The following ZFHX3 variants were observed in gnomAD, a reference collection of about 807,000 sequenced individuals.
ZFHX3 encodes the protein zinc finger homeobox 3.
Under a neutral mutation model 279.1 loss-of-function variants are expected in ZFHX3, and 42 were observed. The ratio of observed to expected loss-of-function variants is 0.15; its 90% CI spans 0.12 to 0.19. The LOEUF (loss-of-function observed/expected upper bound fraction) is 0.19, where lower values mean the gene tolerates loss of function less well. Ranked by LOEUF, ZFHX3 falls within the 10% of genes least tolerant of loss-of-function variation. The pLI is 1.00. For synonymous variants in ZFHX3, 2,293 were observed against 1,957.8 expected, an observed-to-expected ratio of 1.17 and a Z score of -4.52; for missense variants, 4,981 against 4,754.0, an observed-to-expected ratio of 1.05 and a Z score of -1.40.
rs866459901 is a variant in ZFHX3, at chr16:73,439,918, A to C, written c.-1291+16085T>G. Among the ~76,000 whole-genome samples, 327 of 147,580 alleles carry C rather than the reference A, an allele frequency of 2.2e-3. 1 individual carries two copies. The highest frequency in any genetic ancestry group is 8.2e-3 in the African/African-American group (308 of 37,778). The stretch of plus-strand genomic sequence containing the variant: ...AGGAAGGGGAGAGGGACAAAAAAAA[A>C]AAAAAAAAAAAAAACACAAAAAAAA... On this transcript the variant is annotated intron_variant, in intron 3 of 17. Transcript: ENST00000641206.
intron 1 of ZFHX3, among the ~76,000 whole-genome samples, chr16:73,862,341 A>G (rs1961903201): frequency 6.6e-6 from 1 of 152,186 alleles, no homozygotes; most frequent in African/African-American, 2.4e-5. Flanking sequence ...TTTGGTAACT[A>G]AGAACCCCAT....
rs1477537746 is a variant in ZFHX3, at chr16:72,785,444, T to TAACA, written c.*1716_*1719dup. 1.3e-5 allele frequency: 2 copies of TAACA among 152,672 alleles called. No homozygotes were observed. The highest frequency in any genetic ancestry group is 1.5e-5 in the Non-Finnish European group (1 of 68,044). The allele number at this position is 152,672 out of a possible 1,614,324, so 9.5% of individuals were successfully genotyped here. On this transcript the variant is annotated 3_prime_UTR_variant, in exon 10 of 10. Coordinates refer to ENST00000268489, the MANE Select transcript of ZFHX3 (RefSeq NM_006885.4). ...GTCTTTTGGTATATGGAATTGTCAT[T>TAACA]AACATTTGCCTCTCTGCTTGCAGAA...
At chr16:73,520,791 A>T (rs1324891696) in intron 2 of ZFHX3, among the ~76,000 whole-genome samples, 1 of 152,272 alleles carries the variant, frequency 6.6e-6, no homozygotes, top group Non-Finnish European at 1.5e-5. Flanking sequence ...CTGGAAAAAT[A>T]AAAGATGATT....
intron 5 of ZFHX3, among the ~76,000 whole-genome samples, chr16:73,247,049 G>A (rs991587481): frequency 6.6e-6 from 1 of 152,096 alleles, no homozygotes; most frequent in Non-Finnish European, 1.5e-5. Context: ...ATGTGTCTGT[G>A]TGTCTATATA....
intron 2 of ZFHX3, chr16:73,483,361 G>GAC: frequency 2.2e-6 from 1 of 455,438 alleles, no homozygotes; most frequent in South Asian, 1.6e-5. Context: ...AAGAGAGAGA[G>GAC]AGAGAGAGTT....
At position 72,958,395 on chromosome 16, in the gene ZFHX3, C is replaced by T. The variant is rs1249309043; in HGVS notation, c.1751G>A (p.Gly584Asp). The T allele has an allele frequency of 6.2e-7, 1 of 1,614,202 alleles. No individual in the cohort carries two copies. The highest frequency in any genetic ancestry group is 1.1e-5 in the South Asian group (1 of 91,082). The part of the protein sequence containing the change: ...SEGVRANVAE[G>D]GRRLDFADES... ...GTCAGCGAAGTCCAGCCTCCTGCCG[C>T]CCTCTGCCACATTGGCCCTGACGCC... The change falls in exon 2 of 10, where the codon GGC becomes GAC. Residue 584 changes from glycine (G) to aspartate (D), a missense_variant. Transcript: ENST00000268489.
chr16:73,059,428 G>A (rs1398290560), exon 1 of ZFHX3: 1 of 148,092 alleles, frequency 6.8e-6, no homozygotes, highest in East Asian at 2.0e-4. Flanking sequence ...GGAATGCATA[G>A]GAGCAACAAT....
intron 3 of ZFHX3, among the ~76,000 whole-genome samples, chr16:73,345,200 A>T (rs865819610): frequency 2.6e-5 from 4 of 152,166 alleles, no homozygotes; most frequent in Non-Finnish European, 4.4e-5. Context: ...TTTTCAGACA[A>T]TAAAAAGTCT....
At chr16:73,036,794 G>T (rs1964923599) in intron 1 of ZFHX3, among the ~76,000 whole-genome samples, 1 of 152,108 alleles carries the variant, frequency 6.6e-6, no homozygotes, top group African/African-American at 2.4e-5. Flanking sequence ...TGAACTTCCA[G>T]GTCCCTTTGT....
intron 2 of ZFHX3, among the ~76,000 whole-genome samples, chr16:73,666,460 T>G (rs996673883): frequency 2.6e-5 from 4 of 151,902 alleles, no homozygotes; most frequent in African/African-American, 9.7e-5. Flanking sequence ...TTTTAAAGAT[T>G]CCTTGAAGGG....
At chr16:73,340,191 G>A (rs963322734) in intron 3 of ZFHX3, among the ~76,000 whole-genome samples, 1 of 152,186 alleles carries the variant, frequency 6.6e-6, no homozygotes, top group South Asian at 2.1e-4. Flanking sequence ...GGTGCTCAGA[G>A]GAGGTTATTG....
chr16:73,265,396 A>T (rs1054956117), intron 4 of ZFHX3, among the ~76,000 whole-genome samples: 6 of 152,092 alleles, frequency 3.9e-5, no homozygotes, highest in African/African-American at 1.4e-4. Flanking sequence ...TGCCAGGGCT[A>T]GTTTCTATGC....
intron 2 of ZFHX3, among the ~76,000 whole-genome samples, chr16:73,571,647 T>TA (rs1555525463): frequency 0.16 from 23,554 of 151,850 alleles, 2,102 homozygotes; most frequent in African/African-American, 0.24. Context: ...TAATTTTTTT[T>TA]AAAAAACCTT....
chr16:73,323,069 T>G lies in ZFHX3; in HGVS notation c.-1290-4733A>C, dbSNP rs868086295. Among the ~76,000 whole-genome samples, 3 of 152,200 alleles carry G rather than the reference T, an allele frequency of 2.0e-5. No individual in the cohort carries two copies. The South Asian group carries it at 6.2e-4, about 32-fold the overall frequency. On this transcript the variant is annotated intron_variant, in intron 3 of 17. Transcript: ENST00000641206. ...GTTTAAAATATTTACTCTCTGGCCT[T>G]TTACCAAAAGAGTTTGCCAAGAACA...
chr16:73,683,587 G>C (rs995324172), intron 1 of ZFHX3, among the ~76,000 whole-genome samples: 28 of 152,014 alleles, frequency 1.8e-4, no homozygotes, highest in African/African-American at 6.0e-4. Flanking sequence ...TGTTGCCAAG[G>C]CTGGAGTGCA....
chr16:73,701,857 C>G lies in ZFHX3; in HGVS notation c.-1607-21617G>C, dbSNP rs149827470. Among the ~76,000 whole-genome samples, 956 of 149,250 alleles carry G rather than the reference C, an allele frequency of 6.4e-3. 9 individuals are homozygous for G. The highest frequency in any genetic ancestry group is 7.9e-3 in the Non-Finnish European group (536 of 67,800). ...TAATGTTGCAGATATTGAAAATATTCTGAAGTTTGAGTCATAAAAAAAAAA... is the reference window on the plus strand; with the variant it reads ...TAATGTTGCAGATATTGAAAATATTGTGAAGTTTGAGTCATAAAAAAAAAA... On this transcript the variant is annotated intron_variant, in intron 1 of 17. Coordinates refer to the ZFHX3 transcript ENST00000641206.
chr16:73,542,807 A>C (rs1331951652), intron 2 of ZFHX3, among the ~76,000 whole-genome samples: 1 of 152,172 alleles, frequency 6.6e-6, no homozygotes, highest in East Asian at 1.9e-4. Flanking sequence ...TGAAATTCAA[A>C]TTTAATTGGC....
chr16:73,668,306 C>T (rs1567546999), intron 2 of ZFHX3, among the ~76,000 whole-genome samples: 1 of 146,706 alleles, frequency 6.8e-6, no homozygotes, highest in African/African-American at 2.5e-5. Flanking sequence ...TTTGTATTTT[C>T]TTTTTTTTTT....
intron 1 of ZFHX3, among the ~76,000 whole-genome samples, chr16:73,697,733 G>A (rs2053210639): frequency 1.4e-5 from 2 of 145,914 alleles, no homozygotes; most frequent in African/African-American, 5.0e-5. Context: ...TCTTAAAAAT[G>A]TTTCACCACT....
Sources: allele counts gnomAD v4.1 joint callset (sites outside exome capture counted in the v4.1 genomes callset), GRCh38; gene constraint gnomAD v4.1.1; transcripts MANE v1.5; gene names NCBI Gene and HGNC (gene_info 2026-07-23, HGNC 2026-07-21).